DNAI2: variants seen among roughly 807,000 people sequenced by gnomAD.
The protein encoded by DNAI2 is dynein, axonemal, intermediate polypeptide 2.
In DNAI2, 63 loss-of-function variants were observed where a neutral mutation model predicts 74.7. The ratio of observed to expected loss-of-function variants is 0.84; its 90% CI spans 0.69 to 1.04. DNAI2 has a LOEUF of 1.04. Among genes scored for constraint, DNAI2 ranks in the 50% least tolerant of loss-of-function variants. The probability of loss-of-function intolerance (pLI) is 0.00; values close to 1 mark genes in which losing one functional copy is unlikely to be tolerated. For missense variants in DNAI2, 688 were observed against 803.2 expected, an observed-to-expected ratio of 0.86 and a Z score of 1.73; for synonymous variants, 289 against 314.9, an observed-to-expected ratio of 0.92 and a Z score of 0.87.
intron 2 of DNAI2, among the ~76,000 whole-genome samples, chr17:74,283,466 G>A (rs890920434): frequency 6.6e-6 from 1 of 150,766 alleles, no homozygotes; most frequent in African/African-American, 2.4e-5. Flanking sequence ...TAATTACCCA[G>A]TTGTGGTGGC....
At chr17:74,280,116 G>T (rs1293435716) in intron 1 of DNAI2, among the ~76,000 whole-genome samples, 2 of 152,190 alleles carry the variant, frequency 1.3e-5, no homozygotes, top group Non-Finnish European at 2.9e-5. Flanking sequence ...AACTCATTGA[G>T]AAAGCCCTCA....
chr17:74,294,659 A>G (rs775752356), intron 6 of DNAI2, among the ~76,000 whole-genome samples: 27 of 151,814 alleles, frequency 1.8e-4, no homozygotes, highest in Non-Finnish European at 3.5e-4. Context: ...GTGATGAGTC[A>G]TTTTTCTCTT....
intron 2 of DNAI2, 95 bp downstream of exon 2, chr17:74,282,095 C>A: frequency 2.1e-6 from 3 of 1,453,170 alleles, no homozygotes; most frequent in Non-Finnish European, 9.5e-7. Flanking sequence ...CCTTGTCCAC[C>A]TGAAAGCCAG....
At chr17:74,285,241 A>T in intron 3 of DNAI2, 40 bp downstream of exon 3, 1 of 1,606,612 alleles carries the variant, frequency 6.2e-7, no homozygotes. Context: ...AGCCCCATCC[A>T]TCACTGCAGC....
At position 74,285,045 on chromosome 17, in the gene DNAI2, C is replaced by A. The variant is rs1335384672; in HGVS notation, c.189C>A (p.Asn63Lys). The A allele has an allele frequency of 5.0e-6, 8 of 1,614,202 alleles. No individual in the cohort carries two copies. Among genetic ancestry groups the A allele is most frequent in the Non-Finnish European group, 5.9e-6 (7 of 1,180,050 alleles). ...TCCTGCGGCTCTCTGTTTAGGCCAA[C>A]TCAGAGCGGTTTGAGATGGAGACCC... Reference protein sequence around the residue: ...CSISMSEHEANSERFEMETRG... With the variant: ...CSISMSEHEAKSERFEMETRG... The change falls in exon 3 of 14, where the codon AAC (asparagine) becomes AAA (lysine). Residue 63 changes from asparagine to lysine, a missense_variant. Physicochemically the swap from Asn to Lys is moderately conservative, Grantham distance 94 (BLOSUM62 0). Coordinates refer to ENST00000311014, the MANE Select transcript of DNAI2 (RefSeq NM_023036.6).
chr17:74,282,080 T>C lies in DNAI2; in HGVS notation c.183+80T>C. 7 of 1,541,344 alleles carry C rather than the reference T, an allele frequency of 4.5e-6. 1 individual carries two copies. The South Asian group carries it at 6.7e-5, about 15-fold the overall frequency. ...CAGCTGGGGCCGGTGAGTGGTTCTG[T>C]GGGTCCTTGTCCACCTGAAAGCCAG... is the stretch of plus-strand genomic sequence containing the variant. On this transcript the variant is annotated intron_variant, in intron 2 of 13. Transcript: ENST00000311014.
chr17:74,282,004 G>A lies in DNAI2; in HGVS notation c.183+4G>A, dbSNP rs1281255459. The A allele has an allele frequency of 1.2e-5, 19 of 1,613,708 alleles. No individual in the cohort carries two copies. Among genetic ancestry groups the A allele is most frequent in the Non-Finnish European group, 1.6e-5 (19 of 1,179,962 alleles). On this transcript the variant is annotated splice_donor_region_variant and intron_variant, in intron 2 of 13. Coordinates refer to ENST00000311014, the MANE Select transcript of DNAI2 (RefSeq NM_023036.6). ...GATCAGCATGTCGGAACACGAGGTG[G>A]GTCCCTGCCCCAAGGGCCCTGGCCT...
At chr17:74,311,475 T>C (rs934284372) in intron 11 of DNAI2, among the ~76,000 whole-genome samples, 4 of 152,184 alleles carry the variant, frequency 2.6e-5, no homozygotes, top group African/African-American at 9.6e-5. Context: ...TAGCCAGGCA[T>C]GGCGTCACAT....
At position 74,282,727 on chromosome 17, in the gene DNAI2, G is replaced by A. The variant is rs199966746; in HGVS notation, c.183+727G>A. ...CCACGATAAGAGAACTTATCTTGAG[G>A]GTCATGGTCATGTGTTCAGAGGCCA... On this transcript the variant is annotated intron_variant, in intron 2 of 13. Coordinates refer to ENST00000311014, the MANE Select transcript of DNAI2 (RefSeq NM_023036.6). Among the ~76,000 whole-genome samples the A allele has an allele frequency of 3.4e-4, 52 of 152,302 alleles. 1 individual carries two copies. In the East Asian group the frequency reaches 4.6e-3, roughly 14 times the overall value.
At chr17:74,303,467 G>A (rs1024585878) in intron 8 of DNAI2, among the ~76,000 whole-genome samples, 5 of 152,128 alleles carry the variant, frequency 3.3e-5, no homozygotes, top group Admixed American at 6.6e-5. Flanking sequence ...TTGAGACATC[G>A]TTTTGCTCTG....
intron 1 of DNAI2, among the ~76,000 whole-genome samples, chr17:74,275,726 C>CAA (rs545275994): frequency 6.7e-4 from 87 of 129,880 alleles, no homozygotes; most frequent in African/African-American, 2.4e-3. Flanking sequence ...GACTCCGTCT[C>CAA]AAAAAAAAAA....
chr17:74,275,581 G>T (rs999886663), intron 1 of DNAI2, among the ~76,000 whole-genome samples: 1 of 152,066 alleles, frequency 6.6e-6, no homozygotes, highest in African/African-American at 2.4e-5. Flanking sequence ...AAAAATTCTG[G>T]CCGGGTGCAG....
intron 12 of DNAI2, among the ~76,000 whole-genome samples, chr17:74,312,465 G>A (rs2053589624): frequency 6.6e-6 from 1 of 152,136 alleles, no homozygotes; most frequent in Non-Finnish European, 1.5e-5. Context: ...CATGCCTCCT[G>A]GTATCCTCCC....
intron 3 of DNAI2, 65 bp downstream of exon 3, chr17:74,285,266 ACTGCCCCAG>A: frequency 6.3e-7 from 1 of 1,583,024 alleles, no homozygotes; most frequent in Non-Finnish European, 8.6e-7. Context: ...CAAGGGATGC[ACTGCCCCAG>A]CTGTGCCTGG....
At chr17:74,288,903 G>A (rs1200394058) in intron 4 of DNAI2, among the ~76,000 whole-genome samples, 2 of 152,196 alleles carry the variant, frequency 1.3e-5, no homozygotes, top group African/African-American at 2.4e-5. Context: ...CTGGGGCAGA[G>A]GACAGACCTT....
chr17:74,291,490 A>G (rs556678002), intron 6 of DNAI2, among the ~76,000 whole-genome samples: 1 of 152,270 alleles, frequency 6.6e-6, no homozygotes, highest in African/African-American at 2.4e-5. Context: ...GTCAGAGCCA[A>G]TCCTGCTGCT....
At chr17:74,294,021 G>A (rs34598117) in intron 6 of DNAI2, among the ~76,000 whole-genome samples, 18,403 of 151,756 alleles carry the variant, frequency 0.12, 1,286 homozygotes, top group Non-Finnish European at 0.16. Flanking sequence ...GGCCTCAAGC[G>A]ATATGCCCAC....
chr17:74,283,483 C>T (rs900591467), intron 2 of DNAI2, among the ~76,000 whole-genome samples: 8 of 151,184 alleles, frequency 5.3e-5, no homozygotes, highest in Non-Finnish European at 1.0e-4. Context: ...TGGCTCGCAC[C>T]TGTGGTCCCA....
At chr17:74,291,665 C>T (rs1186085941) in intron 6 of DNAI2, among the ~76,000 whole-genome samples, 3 of 152,164 alleles carry the variant, frequency 2.0e-5, no homozygotes, top group Non-Finnish European at 4.4e-5. Flanking sequence ...TCAAAATAAA[C>T]AGTTTTAAAA....
Sources: gnomAD v4.1 joint callset for allele counts (sites outside exome capture counted in the v4.1 genomes callset) on GRCh38, gnomAD v4.1.1 for gene constraint, MANE v1.5 for transcripts, NCBI Gene and HGNC (gene_info 2026-07-23, HGNC 2026-07-21) for gene names.